CDH18: variants seen among roughly 807,000 people sequenced by gnomAD.
CDH18 encodes cadherin 18, also known as cadherin-18.
CDH18 carries 31 observed loss-of-function variants against 67.9 expected under a neutral mutation model. That is an observed-to-expected ratio of 0.46 (90% CI 0.34 to 0.62). The LOEUF is 0.62. Among genes scored for constraint, CDH18 ranks in the 20% least tolerant of loss-of-function variants. The probability of loss-of-function intolerance (pLI) is 0.01; values close to 1 mark genes in which losing one functional copy is unlikely to be tolerated. For missense variants in CDH18, 890 were observed against 975.5 expected, an observed-to-expected ratio of 0.91 and a Z score of 1.17; for synonymous variants, 362 against 347.2, an observed-to-expected ratio of 1.04 and a Z score of -0.48.
chr5:20,462,982 C>T (rs1751376843), intron 1 of CDH18, among the ~76,000 whole-genome samples: 1 of 152,176 alleles, frequency 6.6e-6, no homozygotes, highest in South Asian at 2.1e-4. Flanking sequence ...TGGAGCAAAA[C>T]TGCAAAGACA....
intron 5 of CDH18, among the ~76,000 whole-genome samples, chr5:19,620,968 A>G (rs1750597051): frequency 6.6e-6 from 1 of 152,154 alleles, no homozygotes; most frequent in Admixed American, 6.6e-5. Flanking sequence ...TTGCATCATA[A>G]TAAACCCATT....
chr5:20,190,276 A>G (rs576057660), intron 2 of CDH18, among the ~76,000 whole-genome samples: 1 of 152,278 alleles, frequency 6.6e-6, no homozygotes, highest in East Asian at 1.9e-4. Flanking sequence ...AGTTACATCA[A>G]TCCTTGGAGT....
At chr5:20,303,827 C>T (rs1208606188) in intron 1 of CDH18, among the ~76,000 whole-genome samples, 1 of 152,156 alleles carries the variant, frequency 6.6e-6, no homozygotes, top group Non-Finnish European at 1.5e-5. Flanking sequence ...AAATTGCATT[C>T]AAATGTATTT....
intron 9 of CDH18, among the ~76,000 whole-genome samples, chr5:19,539,479 AT>A (rs1288957448): frequency 6.6e-6 from 1 of 152,156 alleles, no homozygotes; most frequent in African/African-American, 2.4e-5. Context: ...TAATTCAAAT[AT>A]TATTTGGAGT....
At chr5:20,081,878 C>G (rs1744506334) in intron 2 of CDH18, among the ~76,000 whole-genome samples, 1 of 152,186 alleles carries the variant, frequency 6.6e-6, no homozygotes, top group South Asian at 2.1e-4. Context: ...AGAATTTACA[C>G]CAAACCAAGT....
intron 1 of CDH18, among the ~76,000 whole-genome samples, chr5:20,571,925 C>T (rs1758842170): frequency 6.6e-6 from 1 of 151,996 alleles, no homozygotes; most frequent in Non-Finnish European, 1.5e-5. Flanking sequence ...GCTGCGTAAC[C>T]CCTAACCAAG....
intron 3 of CDH18, among the ~76,000 whole-genome samples, chr5:19,834,780 T>C (rs1045695774): frequency 2.6e-5 from 4 of 152,168 alleles, no homozygotes; most frequent in African/African-American, 9.7e-5. Flanking sequence ...TTTCATTATT[T>C]ACCCAGGAGT....
chr5:20,571,517 C>T (rs1758817858), intron 1 of CDH18, among the ~76,000 whole-genome samples: 1 of 151,976 alleles, frequency 6.6e-6, no homozygotes, highest in South Asian at 2.1e-4. Context: ...ATATTATATA[C>T]CAGTAGATGG....
Position 19,543,958 on chromosome 5 carries a change from T to A in CDH18, c.1301A>T (p.Asp434Val), listed in dbSNP as rs776725903. 5 of 1,596,276 alleles carry A rather than the reference T, an allele frequency of 3.1e-6. No individual in the cohort carries two copies. Among genetic ancestry groups the A allele is most frequent in the Non-Finnish European group, 4.3e-6 (5 of 1,167,176 alleles). ...AGTCCTAATGGTCCCAGTATTGGCA[T>A]CAATGTTGAAAAATCTGTCGTCTTC... ...NVEDDRFFNI[D>V]ANTGTIRTTK... The change falls in exon 9 of 13, where the codon GAT (aspartate) becomes GTT (valine). Residue 434 changes from aspartate to valine, a missense_variant. Coordinates refer to ENST00000382275, the MANE Select transcript of CDH18 (RefSeq NM_004934.5).
At chr5:19,764,845 C>T (rs1016174807) in intron 3 of CDH18, among the ~76,000 whole-genome samples, 2 of 152,200 alleles carry the variant, frequency 1.3e-5, no homozygotes, top group Middle Eastern at 3.4e-3. Context: ...CATGCAGTCT[C>T]GAAGCTTTGC....
At chr5:19,752,506 C>A (rs1770984153) in intron 3 of CDH18, among the ~76,000 whole-genome samples, 1 of 152,090 alleles carries the variant, frequency 6.6e-6, no homozygotes, top group Non-Finnish European at 1.5e-5. Flanking sequence ...CCTCATCCCC[C>A]ACAGCAGTGG....
intron 2 of CDH18, among the ~76,000 whole-genome samples, chr5:20,032,225 A>T (rs1347521): frequency 1.3e-5 from 2 of 150,526 alleles, no homozygotes; most frequent in African/African-American, 2.4e-5. Context: ...ATATATGTAC[A>T]TATATGTGCA....
At chr5:19,968,247 G>A (rs1350400789) in intron 2 of CDH18, among the ~76,000 whole-genome samples, 3 of 151,706 alleles carry the variant, frequency 2.0e-5, no homozygotes, top group Admixed American at 6.6e-5. Context: ...AATCAATATC[G>A]TGAAAATGGC....
intron 1 of CDH18, among the ~76,000 whole-genome samples, chr5:20,396,764 T>C (rs1745314873): frequency 1.3e-5 from 2 of 152,308 alleles, no homozygotes; most frequent in South Asian, 2.1e-4. Context: ...AGTGTAATTT[T>C]TCTTGCTTTC....
intron 1 of CDH18, among the ~76,000 whole-genome samples, chr5:20,286,826 C>G (rs980945446): frequency 2.6e-5 from 4 of 151,734 alleles, no homozygotes; most frequent in African/African-American, 9.7e-5. Context: ...ACTCCCTGAA[C>G]AGATACTGCA....
chr5:19,952,485 C>A (rs1795896864), intron 2 of CDH18, among the ~76,000 whole-genome samples: 1 of 152,084 alleles, frequency 6.6e-6, no homozygotes, highest in Admixed American at 6.6e-5. Context: ...AATCCAAAGC[C>A]AAATATATAT....
chr5:19,643,442 TGATA>T (rs1754315131), intron 5 of CDH18, among the ~76,000 whole-genome samples: 6 of 152,144 alleles, frequency 3.9e-5, no homozygotes, highest in Non-Finnish European at 7.4e-5. Flanking sequence ...AAATATCTAT[TGATA>T]GATCAATAAA....
chr5:20,347,632 C>A (rs1431051259), intron 1 of CDH18, among the ~76,000 whole-genome samples: 1 of 152,186 alleles, frequency 6.6e-6, no homozygotes, highest in Non-Finnish European at 1.5e-5. Flanking sequence ...GGGGCAGGCA[C>A]AATTCATCAA....
At chr5:20,036,203 G>C (rs1453760790) in intron 2 of CDH18, among the ~76,000 whole-genome samples, 1 of 151,990 alleles carries the variant, frequency 6.6e-6, no homozygotes, top group Non-Finnish European at 1.5e-5. Flanking sequence ...CTGTTCACCA[G>C]GTGAACTTTA....
Sources: gnomAD v4.1 joint callset for allele counts (sites outside exome capture counted in the v4.1 genomes callset) on GRCh38, gnomAD v4.1.1 for gene constraint, MANE v1.5 for transcripts, NCBI Gene and HGNC (gene_info 2026-07-23, HGNC 2026-07-21) for gene names.